The following CAB39L variants were observed in gnomAD, a reference collection of about 807,000 sequenced individuals.
CAB39L encodes the protein calcium-binding protein 39-like.
Under a neutral mutation model 39.1 loss-of-function variants are expected in CAB39L, and 23 were observed. That is an observed-to-expected ratio of 0.59 (90% confidence interval 0.42 to 0.83). CAB39L has a LOEUF of 0.83. CAB39L is among the 40% of genes least tolerant of loss of function. The pLI is 0.00. For missense variants in CAB39L, 366 were observed against 391.9 expected, an observed-to-expected ratio of 0.93 and a Z score of 0.56; for synonymous variants, 126 against 137.2, an observed-to-expected ratio of 0.92 and a Z score of 0.57.
intron 5 of CAB39L, among the ~76,000 whole-genome samples, chr13:49,368,499 G>A (rs1019114008): frequency 1.3e-5 from 2 of 151,928 alleles, no homozygotes; most frequent in East Asian, 1.9e-4. Context: ...TTTGCAACCC[G>A]CAGGCTGCCA....
chr13:49,322,342 G>A (rs1954372518), intron 10 of CAB39L, among the ~76,000 whole-genome samples: 2 of 152,166 alleles, frequency 1.3e-5, no homozygotes, highest in South Asian at 4.1e-4. Flanking sequence ...TCCTTTTTGT[G>A]GCCAAAATTG....
chr13:49,335,107 C>T (rs956641192), intron 9 of CAB39L, among the ~76,000 whole-genome samples: 2 of 152,098 alleles, frequency 1.3e-5, no homozygotes, highest in Admixed American at 6.5e-5. Context: ...AAAACAAAAA[C>T]TAAAAAACTT....
intron 7 of CAB39L, among the ~76,000 whole-genome samples, chr13:49,344,952 C>T (rs958312315): frequency 6.6e-6 from 1 of 152,174 alleles, no homozygotes; most frequent in Admixed American, 6.5e-5. Context: ...GATGAGTAGC[C>T]CTATCTTATG....
intron 3 of CAB39L, among the ~76,000 whole-genome samples, chr13:49,426,582 A>G (rs1188803293): frequency 2.0e-5 from 3 of 152,084 alleles, no homozygotes; most frequent in Non-Finnish European, 4.4e-5. Context: ...GCCTGCCACC[A>G]CACCCGGCTA....
At chr13:49,336,827 G>T (rs1954862218) in intron 9 of CAB39L, among the ~76,000 whole-genome samples, 1 of 152,160 alleles carries the variant, frequency 6.6e-6, no homozygotes, top group African/African-American at 2.4e-5. Context: ...TGTATAAAGA[G>T]AATACAACCT....
chr13:49,329,347 G>A (rs1277135672), intron 10 of CAB39L, among the ~76,000 whole-genome samples: 5 of 151,630 alleles, frequency 3.3e-5, no homozygotes, highest in African/African-American at 9.7e-5. Context: ...ATTTTGAATG[G>A]AACTGAATAA....
At chr13:49,332,599 A>C (rs9646000) in intron 9 of CAB39L, among the ~76,000 whole-genome samples, 4,348 of 152,260 alleles carry the variant, frequency 0.029, 109 homozygotes, top group East Asian at 0.12. Context: ...ATCTGTATCA[A>C]ATTTAGTAAG....
At chr13:49,393,797 A>AT (rs748409861) in intron 3 of CAB39L, among the ~76,000 whole-genome samples, 3 of 151,956 alleles carry the variant, frequency 2.0e-5, no homozygotes, top group Non-Finnish European at 4.4e-5. Flanking sequence ...GTCCAAAAAA[A>AT]TTTTTTTGGT....
chr13:49,309,116 G>A lies in CAB39L; in HGVS notation c.*1698C>T, dbSNP rs780874682. 76 of 152,224 alleles carry A rather than the reference G, an allele frequency of 5.0e-4. No individual in the cohort carries two copies. The highest frequency in any genetic ancestry group is 2.2e-3 in the Admixed American group (34 of 15,290). 9.4% of individuals were successfully genotyped at this position (152,224 alleles called of 1,614,324 possible). The stretch of plus-strand genomic sequence containing the variant: ...AAGCGAAACCAGAAAAGTGCAATTC[G>A]AAGGGACTCTGAACTGTCAGGGAAC... On this transcript the variant is annotated 3_prime_UTR_variant, in exon 11 of 11. Coordinates refer to ENST00000409308, the MANE Select transcript of CAB39L (RefSeq NM_001079670.3).
chr13:49,340,592 T>G (rs1247810165), intron 8 of CAB39L, among the ~76,000 whole-genome samples: 2 of 152,232 alleles, frequency 1.3e-5, no homozygotes, highest in Non-Finnish European at 2.9e-5. Context: ...AAAATCACAG[T>G]AATTATACTC....
chr13:49,330,967 T>C (rs1395261175), intron 10 of CAB39L, among the ~76,000 whole-genome samples: 1 of 152,112 alleles, frequency 6.6e-6, no homozygotes, highest in Non-Finnish European at 1.5e-5. Flanking sequence ...AAACTATTTA[T>C]AGCAATAATG....
intron 1 of CAB39L, among the ~76,000 whole-genome samples, chr13:49,436,981 G>T (rs760935604): frequency 6.6e-6 from 1 of 152,088 alleles, no homozygotes; most frequent in Non-Finnish European, 1.5e-5. Context: ...ATAGTGCCCA[G>T]GCTGGGCTCG....
chr13:49,361,783 G>T (rs1399214221), intron 5 of CAB39L, among the ~76,000 whole-genome samples: 1 of 151,924 alleles, frequency 6.6e-6, no homozygotes, highest in African/African-American at 2.4e-5. Flanking sequence ...TTAAGATTCA[G>T]TTCAGGAGTT....
chr13:49,314,705 G>C (rs1483927214), intron 10 of CAB39L, among the ~76,000 whole-genome samples: 1 of 152,118 alleles, frequency 6.6e-6, no homozygotes, highest in Admixed American at 6.5e-5. Context: ...CACAGCCTGG[G>C]CCCAAATCCT....
At chr13:49,319,137 G>A (rs1055740359) in intron 10 of CAB39L, among the ~76,000 whole-genome samples, 3 of 152,026 alleles carry the variant, frequency 2.0e-5, no homozygotes, top group Non-Finnish European at 4.4e-5. Context: ...CCAGCTACTC[G>A]GGAGGCTGAG....
rs566946229 is a variant in CAB39L, at chr13:49,389,869, T to C, written c.-31-6928A>G. 3.3e-5 allele frequency among the ~76,000 whole-genome samples: 5 copies of C among 152,180 alleles called. 1 individual carries two copies. The highest frequency in any genetic ancestry group is 5.9e-5 in the Non-Finnish European group (4 of 68,028). On this transcript the variant is annotated intron_variant, in intron 3 of 10. Coordinates refer to ENST00000409308, the MANE Select transcript of CAB39L (RefSeq NM_001079670.3). ...GCTGTAAAAGGTTGTCCCATTATGG[T>C]TGGAGTGCAGTTGTGTAATAACCGC...
chr13:49,390,675 A>C (rs947413862), intron 3 of CAB39L, among the ~76,000 whole-genome samples: 1 of 152,246 alleles, frequency 6.6e-6, no homozygotes, highest in Non-Finnish European at 1.5e-5. Context: ...AAAAAGAAGT[A>C]AACAATGAAT....
rs1224134284 is a variant in CAB39L at position 49,403,172 on chromosome 13, C to T, written c.-31-20231G>A. Reference sequence around the variant, plus strand: ...TGTATATTTAATTCCTATTAAATACCATTCCATTTTCCAACAGCAAGAGTG... The same window carrying T: ...TGTATATTTAATTCCTATTAAATACTATTCCATTTTCCAACAGCAAGAGTG... On this transcript the variant is annotated intron_variant, in intron 3 of 10. Coordinates refer to ENST00000409308, the MANE Select transcript of CAB39L (RefSeq NM_001079670.3). Among the ~76,000 whole-genome samples, 3 of 151,912 alleles carry T rather than the reference C, an allele frequency of 2.0e-5. No homozygotes were observed. In the South Asian group the frequency reaches 6.3e-4, roughly 32 times the overall value.
chr13:49,341,986 T>C (rs1955021874), intron 8 of CAB39L, among the ~76,000 whole-genome samples: 1 of 152,240 alleles, frequency 6.6e-6, no homozygotes, highest in Non-Finnish European at 1.5e-5. Context: ...ATTTTATAAT[T>C]ATATTGCTAA....
Sources: gnomAD v4.1 joint callset for allele counts (sites outside exome capture counted in the v4.1 genomes callset) on GRCh38, gnomAD v4.1.1 for gene constraint, MANE v1.5 for transcripts, NCBI Gene and HGNC (gene_info 2026-07-23, HGNC 2026-07-21) for gene names.